Variants in SRCIN1 observed in about 807,000 individuals in gnomAD.
The protein encoded by SRCIN1 is SRC kinase signaling inhibitor 1.
SRCIN1 carries 50 observed loss-of-function variants against 116.2 expected under a neutral mutation model. The ratio of observed to expected loss-of-function variants is 0.43; its 90% CI spans 0.34 to 0.54. The LOEUF is 0.54. SRCIN1 is among the 20% of genes least tolerant of loss of function. The probability of loss-of-function intolerance (pLI) is 0.02; values close to 1 mark genes in which losing one functional copy is unlikely to be tolerated. For synonymous variants in SRCIN1, 736 were observed against 750.0 expected, an observed-to-expected ratio of 0.98 and a Z score of 0.30; for missense variants, 1,446 against 1,672.0, an observed-to-expected ratio of 0.86 and a Z score of 2.36.
At position 38,558,108 on chromosome 17, in the gene SRCIN1, G is replaced by C. The variant is rs371722719; in HGVS notation, c.2201+119C>G. ...CAGAGGAGAATGAAATCAGGCTTCAGAACAGACCAACGCCACCTGTGACTC... is the reference window on the plus strand; with the variant it reads ...CAGAGGAGAATGAAATCAGGCTTCACAACAGACCAACGCCACCTGTGACTC... On this transcript the variant is annotated intron_variant, in intron 11 of 18. Coordinates refer to ENST00000617146, the MANE Select transcript of SRCIN1 (RefSeq NM_025248.3). The surrounding 1 kb of genome is among the most constrained non-coding windows in gnomAD (Gnocchi z 4.6). 2 of 1,195,528 alleles carry C rather than the reference G, an allele frequency of 1.7e-6. No individual in the cohort carries two copies. Among genetic ancestry groups the C allele is most frequent in the African/African-American group, 1.5e-5 (1 of 65,830 alleles). 74.1% of individuals were successfully genotyped at this position (1,195,528 alleles called of 1,614,324 possible).
chr17:38,552,818 C>T lies in SRCIN1; in HGVS notation c.2239G>A (p.Val747Met), dbSNP rs376547448. Residue 747 changes from valine (V) to methionine (M), a missense_variant, in exon 12 of 19, where the codon GTG becomes ATG. By Grantham distance (21) the Val-to-Met change is conservative. Transcript: ENST00000617146. This position sits in a 1 kb window ranked among gnomAD's most constrained non-coding sequence, Gnocchi z 5.3. ...EKSVEKIQRD[V>M]SHNHRLVPGP... ...GGCACCAGCCGGTGGTTGTGGGACA[C>T]GTCTCTCTGGATCTTCTCCACCGAT... The T allele has an allele frequency of 1.6e-4, 256 of 1,613,966 alleles. No individual in the cohort carries two copies. The highest frequency in any genetic ancestry group is 6.6e-4 in the Middle Eastern group (4 of 6,062).
intron 15 of SRCIN1, among the ~76,000 whole-genome samples, chr17:38,549,618 G>A (rs907107213): frequency 6.6e-5 from 10 of 152,174 alleles, no homozygotes; most frequent in African/African-American, 2.2e-4. Flanking sequence ...CCCTTGCCTC[G>A]GCTCAGCTCT....
At chr17:38,559,884 C>A in intron 9 of SRCIN1, 112 bp from the exon 10 acceptor site, 1 of 1,408,620 alleles carries the variant, frequency 7.1e-7, no homozygotes, top group Admixed American at 2.3e-5. Flanking sequence ...CCAGAGAAGC[C>A]CGTGGCTCTA....
At chr17:38,536,226 T>C (rs1460132866) in intron 18 of SRCIN1, among the ~76,000 whole-genome samples, 1 of 152,184 alleles carries the variant, frequency 6.6e-6, no homozygotes, top group East Asian at 1.9e-4. Flanking sequence ...CCATCCACAA[T>C]CCACTCTCCT....
intron 3 of SRCIN1, among the ~76,000 whole-genome samples, chr17:38,565,740 T>C (rs1287382010): frequency 6.6e-6 from 1 of 152,188 alleles, no homozygotes; most frequent in African/African-American, 2.4e-5. Context: ...TGCCCAGCTG[T>C]CCCCAAGGTG....
chr17:38,551,196 T>C lies in SRCIN1; in HGVS notation c.2921A>G (p.Lys974Arg). The C allele has an allele frequency of 1.9e-6, 3 of 1,593,904 alleles. No homozygotes were observed. The highest frequency in any genetic ancestry group is 2.6e-6 in the Non-Finnish European group (3 of 1,168,122). ...ACTGGGCTCCGTTCGGGGGGCTGCCTTCTGGCCGTGGGGGGCCTTGGGGGG... is the reference window on the plus strand; with the variant it reads ...ACTGGGCTCCGTTCGGGGGGCTGCCCTCTGGCCGTGGGGGGCCTTGGGGGG... ...HKPPKAPHGQ[K>R]AAPRTEPSGR... The change falls in exon 15 of 19, where the codon AAG becomes AGG. Residue 974 changes from lysine (K) to arginine (R), a missense_variant. By Grantham distance (26) the Lys-to-Arg change is conservative. Transcript: ENST00000617146.
intron 1 of SRCIN1, among the ~76,000 whole-genome samples, chr17:38,583,392 T>G (rs1371607139): frequency 6.6e-6 from 1 of 152,060 alleles, no homozygotes; most frequent in Non-Finnish European, 1.5e-5. Context: ...TTAATTTACT[T>G]ACTCATTCAG....
intron 2 of SRCIN1, among the ~76,000 whole-genome samples, chr17:38,577,112 C>G (rs1419774992): frequency 1.3e-5 from 2 of 152,206 alleles, no homozygotes; most frequent in African/African-American, 4.8e-5. Flanking sequence ...TAGGGCTATG[C>G]AAACCCTTTT....
At chr17:38,593,658 G>A (rs550808385) in intron 1 of SRCIN1, among the ~76,000 whole-genome samples, 61 of 152,284 alleles carry the variant, frequency 4.0e-4, no homozygotes, top group Admixed American at 2.8e-3. Context: ...CTGGCTCCCA[G>A]GAAGCACCCA....
rs1022895973 is a variant in SRCIN1 at position 38,594,835 on chromosome 17, G to T, written c.22+10849C>A. On this transcript the variant is annotated intron_variant, in intron 1 of 18. Coordinates refer to ENST00000617146, the MANE Select transcript of SRCIN1 (RefSeq NM_025248.3). ...CTGCTGGTCCTGGGCCCAGATTTTGGGGGGCGGCTTCCCCTGCCCATACAC... is the reference window on the plus strand; with the variant it reads ...CTGCTGGTCCTGGGCCCAGATTTTGTGGGGCGGCTTCCCCTGCCCATACAC... 9.2e-5 allele frequency among the ~76,000 whole-genome samples: 14 copies of T among 152,164 alleles called. No homozygotes were observed. The East Asian group carries it at 2.7e-3, about 29-fold the overall frequency.
At position 38,604,082 on chromosome 17, in the gene SRCIN1, G is replaced by A. The variant is rs1909216891; in HGVS notation, c.22+1602C>T. On this transcript the variant is annotated intron_variant, in intron 1 of 18. Transcript: ENST00000617146. The surrounding 1 kb of genome is among the most constrained non-coding windows in gnomAD (Gnocchi z 4.3). Reference sequence around the variant, plus strand: ...TCAATTTTTAAAGATCAACAAGAGGGAAAGGGATGGGAATAAGAGAAACTG... The same window carrying A: ...TCAATTTTTAAAGATCAACAAGAGGAAAAGGGATGGGAATAAGAGAAACTG... 6.6e-6 allele frequency among the ~76,000 whole-genome samples: 1 copy of A among 152,152 alleles called. No homozygotes were observed. The highest frequency in any genetic ancestry group is 1.9e-4 in the East Asian group (1 of 5,192).
intron 2 of SRCIN1, among the ~76,000 whole-genome samples, chr17:38,576,321 G>A (rs992580183): frequency 1.3e-5 from 2 of 151,806 alleles, no homozygotes; most frequent in Non-Finnish European, 2.9e-5. Flanking sequence ...CACAAATCCC[G>A]GCCAGTCGCG....
At chr17:38,555,780 T>C (rs927829429) in intron 11 of SRCIN1, among the ~76,000 whole-genome samples, 15 of 152,228 alleles carry the variant, frequency 9.9e-5, no homozygotes, top group African/African-American at 3.6e-4. Flanking sequence ...GCCCTCGCTC[T>C]ACCACATGGG....
At chr17:38,543,046 C>G in intron 18 of SRCIN1, 2 of 456,502 alleles carry the variant, frequency 4.4e-6, no homozygotes, top group Admixed American at 4.7e-5. Flanking sequence ...AGGAGCCACC[C>G]TGCAGCCTCT....
intron 1 of SRCIN1, among the ~76,000 whole-genome samples, chr17:38,582,395 G>A (rs540593240): frequency 1.3e-5 from 2 of 152,202 alleles, no homozygotes; most frequent in South Asian, 2.1e-4. Context: ...CCCAGCTGCT[G>A]GAGCAGGCAG....
rs1404356424 is a variant in SRCIN1 at position 38,568,671 on chromosome 17, G to A, written c.325-440C>T. Among the ~76,000 whole-genome samples the A allele has an allele frequency of 1.3e-5, 2 of 152,142 alleles. No individual in the cohort carries two copies. The highest frequency in any genetic ancestry group is 2.9e-5 in the Non-Finnish European group (2 of 68,042). On this transcript the variant is annotated intron_variant, in intron 2 of 18. Transcript: ENST00000617146. This position sits in a 1 kb window ranked among gnomAD's most constrained non-coding sequence, Gnocchi z 4.5. The stretch of plus-strand genomic sequence containing the variant: ...GAGGCCTGCTGGGCAGAGGGGAAGT[G>A]CCCAGGGGCAGACAAGTGGAGGGGG...
chr17:38,549,187 G>T lies in SRCIN1; in HGVS notation c.2986C>A (p.Arg996Ser). The T allele has an allele frequency of 6.4e-7, 1 of 1,557,498 alleles. No homozygotes were observed. Reference protein sequence around the residue: ...GSDELTVPRYRTEKPSKSPPP... With the variant: ...GSDELTVPRYSTEKPSKSPPP... ...GGCGACTTGGAGGGCTTCTCTGTGC[G>T]GTATCGGGGCACGGTCAACTCATCT... The change falls in exon 16 of 19, where the codon CGC (arginine) becomes AGC (serine). Residue 996 changes from arginine to serine, a missense_variant. Around this residue, in one of 5 missense-constraint regions of SRCIN1, gnomAD observed 531 missense variants for 633.9 expected, o/e 0.84. Coordinates refer to ENST00000617146, the MANE Select transcript of SRCIN1 (RefSeq NM_025248.3).
In SRCIN1 at chr17:38,551,316, A is replaced by G. The variant is rs1445701538; in HGVS notation, c.2801T>C (p.Leu934Pro). 1 of 1,613,778 alleles carries G rather than the reference A, an allele frequency of 6.2e-7. No individual in the cohort carries two copies. Among genetic ancestry groups the G allele is most frequent in the Non-Finnish European group, 8.5e-7 (1 of 1,179,880 alleles). ...GAGCAGCTCTGCCTGTGTCTCTTCC[A>G]GCAGCCGGTTGATGTCCTTGGCACT... ...QYSAKDINRLLEETQAELLKA... is the reference protein window; with the variant it reads ...QYSAKDINRLPEETQAELLKA... The change falls in exon 15 of 19, where the codon CTG becomes CCG. Residue 934 changes from leucine to proline, a missense_variant. By Grantham distance (98) the Leu-to-Pro change is moderately conservative (BLOSUM62 -3). Around this residue, in one of 5 missense-constraint regions of SRCIN1, gnomAD observed 531 missense variants for 633.9 expected, o/e 0.84. Transcript: ENST00000617146.
chr17:38,603,394 G>A (rs2143479624), intron 1 of SRCIN1, among the ~76,000 whole-genome samples: 1 of 152,224 alleles, frequency 6.6e-6, no homozygotes, highest in East Asian at 1.9e-4. Flanking sequence ...GGGAAAGCCT[G>A]GGGTGGGGGT....
Sources: gnomAD v4.1 joint callset for allele counts (sites outside exome capture counted in the v4.1 genomes callset) on GRCh38, gnomAD v4.1.1 for gene constraint, gnomAD v4.1.1 regional missense constraint, Gnocchi (gnomAD v3.1) non-coding constraint, MANE v1.5 for transcripts, NCBI Gene and HGNC (gene_info 2026-07-23, HGNC 2026-07-21) for gene names.